Variants in WDR70 observed in about 807,000 individuals in gnomAD.
The protein encoded by WDR70 is WD repeat-containing protein 70.
Under a neutral mutation model 88.6 loss-of-function variants are expected in WDR70, and 53 were observed. That is an observed-to-expected ratio of 0.60 (90% CI 0.48 to 0.75). WDR70 has a LOEUF of 0.75. Ranked by LOEUF, WDR70 falls within the 30% of genes least tolerant of loss-of-function variation. The probability of loss-of-function intolerance (pLI) is 0.00; values close to 1 mark genes in which losing one functional copy is unlikely to be tolerated. For synonymous variants in WDR70, 280 were observed against 270.0 expected (o/e 1.04, Z -0.36); for missense variants, 610 against 823.2 (o/e 0.74, Z 3.17).
At chr5:37,392,218 C>T in intron 4 of WDR70, 98 bp downstream of exon 4, 11 of 1,345,736 alleles carry the variant, frequency 8.2e-6, no homozygotes, top group Non-Finnish European at 1.1e-5. Context: ...TGGAGTCTTG[C>T]TCTATCGCCC....
chr5:37,423,855 C>T (rs1298662276), intron 5 of WDR70, among the ~76,000 whole-genome samples: 2 of 147,634 alleles, frequency 1.4e-5, no homozygotes, highest in East Asian at 2.0e-4. Context: ...AACCACCACA[C>T]CCAGCCTATT....
intron 15 of WDR70, chr5:37,724,124 CAAAAG>C (rs1228535665): frequency 3.3e-5 from 5 of 152,058 alleles, no homozygotes; most frequent in African/African-American, 1.2e-4. Flanking sequence ...ACGTAAGAGT[CAAAAG>C]AAACTGCTAG....
At chr5:37,641,539 C>T (rs1745103912) in intron 10 of WDR70, among the ~76,000 whole-genome samples, 1 of 151,784 alleles carries the variant, frequency 6.6e-6, no homozygotes, top group African/African-American at 2.4e-5. Flanking sequence ...GCCTCAGCCT[C>T]CCGAGTAGCT....
intron 5 of WDR70, among the ~76,000 whole-genome samples, chr5:37,421,881 A>G (rs1749956741): frequency 6.6e-6 from 1 of 151,612 alleles, no homozygotes; most frequent in South Asian, 2.1e-4. Context: ...CCAGCTCAGC[A>G]GGTGAAATTC....
chr5:37,460,649 C>G (rs4585478), intron 7 of WDR70, among the ~76,000 whole-genome samples: 59,141 of 76,746 alleles, frequency 0.77, 25,979 homozygotes, highest in East Asian at 1. Flanking sequence ...ATGTAACTAA[C>G]CTGCACAATG....
chr5:37,441,673 C>T (rs1203737913), intron 6 of WDR70, among the ~76,000 whole-genome samples: 1 of 152,028 alleles, frequency 6.6e-6, no homozygotes, highest in Non-Finnish European at 1.5e-5. Context: ...CAAAAATAAG[C>T]TGGGCGTGGT....
intron 17 of WDR70, among the ~76,000 whole-genome samples, chr5:37,736,960 A>G (rs1748322393): frequency 6.6e-6 from 1 of 152,168 alleles, no homozygotes; most frequent in African/African-American, 2.4e-5. Flanking sequence ...AGAAATTCAT[A>G]GTGAAGAAAT....
intron 8 of WDR70, among the ~76,000 whole-genome samples, chr5:37,482,266 A>G (rs1327861083): frequency 6.6e-6 from 1 of 152,090 alleles, no homozygotes; most frequent in Non-Finnish European, 1.5e-5. Flanking sequence ...ACTGGTATCA[A>G]CTTATTGTAT....
chr5:37,490,437 T>C (rs559289795), intron 8 of WDR70, among the ~76,000 whole-genome samples: 1 of 152,216 alleles, frequency 6.6e-6, no homozygotes, highest in East Asian at 1.9e-4. Flanking sequence ...CCCAGGCAGA[T>C]ACATCTCAGT....
In WDR70 at chr5:37,493,230, C is replaced by G. The variant is rs145506989; in HGVS notation, c.840+13243C>G. ...CCTAACAGCTGTTTAGGTCAGAAGT[C>G]TGTCACAATGTGGCTACATTTCTCT... On this transcript the variant is annotated intron_variant, in intron 8 of 17. Coordinates refer to ENST00000265107, the MANE Select transcript of WDR70 (RefSeq NM_018034.4). Among the ~76,000 whole-genome samples the G allele has an allele frequency of 5.9e-5, 9 of 152,296 alleles. No homozygotes were observed. In the East Asian group the frequency reaches 1.7e-3, roughly 29 times the overall value.
intron 10 of WDR70, among the ~76,000 whole-genome samples, chr5:37,639,376 A>T (rs1187889010): frequency 6.6e-6 from 1 of 152,230 alleles, no homozygotes; most frequent in Non-Finnish European, 1.5e-5. Context: ...AAAAGGAAAG[A>T]CACAATTCAC....
Position 37,724,933 on chromosome 5 carries a change from G to C in WDR70, c.1598-1G>C, listed in dbSNP as rs781643870. 6.2e-7 allele frequency: 1 copy of C among 1,613,268 alleles called. No individual in the cohort carries two copies. Among genetic ancestry groups the C allele is most frequent in the Non-Finnish European group, 8.5e-7 (1 of 1,179,542 alleles). ...AATTTTTCAAATGTGACTTCTTGTA[G>C]CTCATGCCTTGCCTATGTTCCGTGA... On this transcript the variant is annotated splice_acceptor_variant, in intron 15 of 17. Coordinates refer to ENST00000265107, the MANE Select transcript of WDR70 (RefSeq NM_018034.4). LOFTEE classifies it high-confidence loss of function.
chr5:37,474,429 G>C (rs1739417622), intron 7 of WDR70, among the ~76,000 whole-genome samples: 1 of 152,150 alleles, frequency 6.6e-6, no homozygotes, highest in South Asian at 2.1e-4. Flanking sequence ...TGTGATTGTA[G>C]ATTTGCCTGT....
intron 10 of WDR70, among the ~76,000 whole-genome samples, chr5:37,632,484 T>C (rs1340113336): frequency 1.3e-5 from 2 of 152,294 alleles, no homozygotes; most frequent in East Asian, 1.9e-4. Flanking sequence ...TATATAATGG[T>C]GGAAGACACT....
At chr5:37,649,733 C>CTTCTTTTTTTTTTTTTTTT (rs1384336784) in intron 10 of WDR70, among the ~76,000 whole-genome samples, 1 of 68,738 alleles carries the variant, frequency 1.5e-5, no homozygotes, top group African/African-American at 6.4e-5. Flanking sequence ...GTTATTACTT[C>CTTCTTTTTTTTTTTTTTTT]TTTTTTTTTT....
chr5:37,697,742 G>A lies in WDR70; in HGVS notation c.1180G>A (p.Ala394Thr). Residue 394 changes from alanine to threonine, a missense_variant, in exon 11 of 18, where the codon GCC (alanine) becomes ACC (threonine). Around this residue, in one of 4 missense-constraint regions of WDR70, gnomAD observed 254 missense variants for 300.7 expected, o/e 0.84. Transcript: ENST00000265107. ...VTFSYDGNVL[A>T]SRGGDDSLKL... is the part of the protein sequence containing the mutation. ...TTTTTCCTATGATGGTAATGTCCTT[G>A]CCTCTCGTGGAGGTAGGTTAAAAGC... The A allele has an allele frequency of 1.2e-6, 2 of 1,613,342 alleles. No individual in the cohort carries two copies. The highest frequency in any genetic ancestry group is 1.7e-6 in the Non-Finnish European group (2 of 1,179,416).
chr5:37,528,277 C>G (rs1472232110), intron 9 of WDR70, among the ~76,000 whole-genome samples: 2 of 152,166 alleles, frequency 1.3e-5, no homozygotes, highest in Non-Finnish European at 2.9e-5. Context: ...GGCACATATA[C>G]ACCATGGAAT....
intron 5 of WDR70, among the ~76,000 whole-genome samples, chr5:37,399,377 C>T (rs902533157): frequency 5.3e-5 from 8 of 152,152 alleles, no homozygotes; most frequent in African/African-American, 9.7e-5. Context: ...GTCAAGATTG[C>T]ACCACTGCAC....
At chr5:37,497,574 A>G (rs186226938) in intron 8 of WDR70, among the ~76,000 whole-genome samples, 22 of 151,784 alleles carry the variant, frequency 1.4e-4, no homozygotes, top group South Asian at 2.1e-4. Flanking sequence ...CCTTCAGCCC[A>G]AATTTATCTA....
Sources: allele counts gnomAD v4.1 joint callset (sites outside exome capture counted in the v4.1 genomes callset), GRCh38; gene constraint gnomAD v4.1.1; regional missense constraint gnomAD v4.1.1; transcripts MANE v1.5; gene names NCBI Gene and HGNC (gene_info 2026-07-23, HGNC 2026-07-21).